The following CLDN10 variants were observed in gnomAD, a reference collection of about 807,000 sequenced individuals.
CLDN10 encodes claudin 10.
Under a neutral mutation model 22.9 loss-of-function variants are expected in CLDN10, and 15 were observed. The ratio of observed to expected loss-of-function variants is 0.65; its 90% CI spans 0.44 to 1.01. CLDN10 has a LOEUF of 1.01. Ranked by LOEUF, CLDN10 falls within the 50% of genes least tolerant of loss-of-function variation. CLDN10 has a pLI of 0.00. For missense variants in CLDN10, 247 were observed against 287.8 expected (o/e 0.86, Z 1.03); for synonymous variants, 114 against 111.4 (o/e 1.02, Z -0.15).
chr13:95,436,276 C>T (rs375074639), intron 1 of CLDN10, among the ~76,000 whole-genome samples: 22 of 152,022 alleles, frequency 1.4e-4, no homozygotes, highest in Non-Finnish European at 2.9e-4. Flanking sequence ...CTCCACCTCC[C>T]GGGTTCAAGT....
intron 3 of CLDN10, among the ~76,000 whole-genome samples, chr13:95,561,609 G>A (rs890335359): frequency 1.3e-5 from 2 of 152,054 alleles, no homozygotes; most frequent in Non-Finnish European, 2.9e-5. Context: ...AGGGAACTTG[G>A]ACCAAACTAG....
intron 3 of CLDN10, among the ~76,000 whole-genome samples, chr13:95,566,839 G>A (rs2043793766): frequency 2.0e-5 from 3 of 152,066 alleles, no homozygotes; most frequent in Non-Finnish European, 4.4e-5. Flanking sequence ...TTTTACATAT[G>A]GCTAGCCAGT....
intron 1 of CLDN10, among the ~76,000 whole-genome samples, chr13:95,493,860 A>G (rs1387371709): frequency 2.6e-5 from 4 of 152,080 alleles, no homozygotes; most frequent in Admixed American, 2.0e-4. Context: ...ATGCCCGGCC[A>G]TATTTGTCCT....
chr13:95,557,150 A>T (rs1223734772), intron 1 of CLDN10, among the ~76,000 whole-genome samples: 1 of 152,218 alleles, frequency 6.6e-6, no homozygotes, highest in African/African-American at 2.4e-5. Flanking sequence ...AACTAACTAT[A>T]AATTATACTT....
intron 1 of CLDN10, among the ~76,000 whole-genome samples, chr13:95,474,221 G>C (rs1036386411): frequency 6.6e-6 from 1 of 152,154 alleles, no homozygotes. Flanking sequence ...AGATCATCAG[G>C]CATTAGATTC....
At chr13:95,434,897 A>G (rs1251596459) in intron 1 of CLDN10, among the ~76,000 whole-genome samples, 1 of 152,118 alleles carries the variant, frequency 6.6e-6, no homozygotes, top group Non-Finnish European at 1.5e-5. Flanking sequence ...CACAGCCTAG[A>G]TATAAAACAA....
intron 1 of CLDN10, among the ~76,000 whole-genome samples, chr13:95,435,730 C>G (rs1341034115): frequency 2.6e-5 from 4 of 152,134 alleles, no homozygotes; most frequent in African/African-American, 9.7e-5. Flanking sequence ...AGGGGCCCCT[C>G]TTGGCCCTTT....
intron 1 of CLDN10, among the ~76,000 whole-genome samples, chr13:95,535,473 A>T (rs576069071): frequency 9.3e-5 from 14 of 150,470 alleles, no homozygotes; most frequent in Non-Finnish European, 2.1e-4. Flanking sequence ...GCCATCCAAG[A>T]TGACTCAGGA....
intron 1 of CLDN10, among the ~76,000 whole-genome samples, chr13:95,440,679 T>C (rs1299372360): frequency 1.3e-5 from 2 of 152,208 alleles, no homozygotes; most frequent in African/African-American, 2.4e-5. Context: ...ATTCGACATG[T>C]TCCTGTTCCA....
intron 1 of CLDN10, among the ~76,000 whole-genome samples, chr13:95,474,486 T>TA (rs34861947): frequency 0.026 from 3,892 of 152,102 alleles, 159 homozygotes; most frequent in African/African-American, 0.089. Flanking sequence ...ACCCCTGCAA[T>TA]AAAACAAAGT....
chr13:95,513,573 A>G (rs939098408), intron 1 of CLDN10, among the ~76,000 whole-genome samples: 7 of 24,398 alleles, frequency 2.9e-4, no homozygotes, highest in African/African-American at 6.1e-4. Context: ...GCAGTAAAAT[A>G]GAGCATTTTC....
chr13:95,471,386 T>A (rs1278695004), intron 1 of CLDN10, among the ~76,000 whole-genome samples: 1 of 135,096 alleles, frequency 7.4e-6, no homozygotes, highest in Non-Finnish European at 1.6e-5. Flanking sequence ...ATATATAACA[T>A]ACACACACAT....
At chr13:95,539,139 A>G (rs1389044900) in intron 1 of CLDN10, among the ~76,000 whole-genome samples, 1 of 152,204 alleles carries the variant, frequency 6.6e-6, no homozygotes, top group African/African-American at 2.4e-5. Flanking sequence ...TTGGCCTCCC[A>G]AAGTGCTGGG....
rs2042940059 is a variant in CLDN10, at chr13:95,497,344, G to GA, written c.215-62784dup. On this transcript the variant is annotated intron_variant, in intron 1 of 4. Transcript: ENST00000376873. Reference sequence around the variant, plus strand: ...CTTAGAGGACAATATAGCATTGAAAGAAAATCACAAGAGAAGCCATGGCAA... The same window carrying GA: ...CTTAGAGGACAATATAGCATTGAAAGAAAAATCACAAGAGAAGCCATGGCAA... Among the ~76,000 whole-genome samples, 3 of 152,252 alleles carry GA rather than the reference G, an allele frequency of 2.0e-5. No individual in the cohort carries two copies. In the South Asian group the frequency reaches 6.2e-4, roughly 32 times the overall value.
chr13:95,470,116 T>C (rs1445623725), intron 1 of CLDN10, among the ~76,000 whole-genome samples: 1 of 152,292 alleles, frequency 6.6e-6, no homozygotes, highest in East Asian at 1.9e-4. Flanking sequence ...AATATGGAAC[T>C]AGGCTGCCCC....
At chr13:95,512,770 T>C (rs970545494) in intron 1 of CLDN10, among the ~76,000 whole-genome samples, 25 of 152,180 alleles carry the variant, frequency 1.6e-4, no homozygotes, top group African/African-American at 5.3e-4. Flanking sequence ...CTTAGGAAAA[T>C]AGACTGAACC....
intron 1 of CLDN10, among the ~76,000 whole-genome samples, chr13:95,516,939 T>C (rs916941246): frequency 2.0e-5 from 3 of 152,072 alleles, no homozygotes; most frequent in Non-Finnish European, 4.4e-5. Context: ...ACCATTGTGA[T>C]GAAGCCATTC....
At chr13:95,435,473 A>G (rs1231286184) in intron 1 of CLDN10, among the ~76,000 whole-genome samples, 1 of 152,208 alleles carries the variant, frequency 6.6e-6, no homozygotes, top group Non-Finnish European at 1.5e-5. Flanking sequence ...GGAGATTTCT[A>G]ATGACAATCA....
intron 1 of CLDN10, among the ~76,000 whole-genome samples, chr13:95,526,712 G>A (rs118161185): frequency 0.099 from 15,108 of 151,960 alleles, 926 homozygotes; most frequent in Middle Eastern, 0.13. Context: ...CACTTGAACC[G>A]GGAGGTGGAG....
Sources: allele counts gnomAD v4.1 joint callset (sites outside exome capture counted in the v4.1 genomes callset), GRCh38; gene constraint gnomAD v4.1.1; transcripts MANE v1.5; gene names NCBI Gene and HGNC (gene_info 2026-07-23, HGNC 2026-07-21).